The following RMP24 variants were observed in gnomAD, a reference collection of about 807,000 sequenced individuals.
RMP24 encodes ribonuclease MRP subunit p24, also known as ribonuclease MRP protein subunit p24.
chr18:35,972,692 T>C, the RMP24 span: 3 of 1,577,628 alleles, frequency 1.9e-6, no homozygotes, highest in South Asian at 1.1e-5. Context: ...TTTTCTCACC[T>C]GGTTCCCGCG....
the RMP24 span, among the ~76,000 whole-genome samples, chr18:35,976,495 A>G: frequency 1.3e-5 from 2 of 152,134 alleles, no homozygotes; most frequent in African/African-American, 4.8e-5. Flanking sequence ...AGTCAATTAG[A>G]TATGTAGAAG....
At chr18:35,973,787 T>A in the RMP24 span, 1 of 152,052 alleles carries the variant, frequency 6.6e-6, no homozygotes, top group Non-Finnish European at 1.5e-5. Context: ...CCTGGCATGG[T>A]GGTGCACGCC....
chr18:35,975,232 C>T, the RMP24 span: 1 of 687,852 alleles, frequency 1.5e-6, no homozygotes, highest in African/African-American at 1.8e-5. Flanking sequence ...TATACATAAA[C>T]ACTTCTCTAA....
the RMP24 span, chr18:35,975,038 A>G: frequency 4.9e-3 from 7,970 of 1,614,034 alleles, 49 homozygotes; most frequent in Middle Eastern, 0.018. Flanking sequence ...GAAACTATAC[A>G]CTCAGTTTTA....
At chr18:35,974,585 A>C in the RMP24 span, among the ~76,000 whole-genome samples, 1 of 152,254 alleles carries the variant, frequency 6.6e-6, no homozygotes, top group African/African-American at 2.4e-5. Flanking sequence ...GAAACATAAC[A>C]GCCTTTTAAA....
the RMP24 span, chr18:35,973,355 C>T: frequency 1.6e-5 from 3 of 188,796 alleles, no homozygotes; most frequent in Admixed American, 1.6e-4. Flanking sequence ...TGTATATACT[C>T]AGCGCAGACC....
chr18:35,977,321 C>T, the RMP24 span: 7 of 1,266,018 alleles, frequency 5.5e-6, no homozygotes, highest in South Asian at 8.9e-5. Context: ...GGTGTAGTCC[C>T]TGACATTTAA....
At chr18:35,979,237 G>C in the RMP24 span, 8 of 334,074 alleles carry the variant, frequency 2.4e-5, no homozygotes, top group South Asian at 4.5e-4. Context: ...CATATCTATA[G>C]ATATATATGT....
the RMP24 span, among the ~76,000 whole-genome samples, chr18:35,975,680 A>C: frequency 1.3e-4 from 20 of 152,262 alleles, no homozygotes; most frequent in Non-Finnish European, 2.4e-4. Context: ...GGCCAGTAGC[A>C]AATACACTTT....
the RMP24 span, chr18:35,973,260 C>CT: frequency 2.5e-6 from 1 of 397,398 alleles, no homozygotes. Flanking sequence ...CCTTGGACCT[C>CT]TTTTCTAGGC....
At chr18:35,974,924 T>A in the RMP24 span, 2 of 1,614,046 alleles carry the variant, frequency 1.2e-6, no homozygotes, top group Admixed American at 1.7e-5. Flanking sequence ...AAGAAACGTG[T>A]CCATACTGTT....
the RMP24 span, chr18:35,972,760 C>A: frequency 6.2e-7 from 1 of 1,613,572 alleles, no homozygotes; most frequent in Non-Finnish European, 8.5e-7. Context: ...GAGGCTGCAG[C>A]GCGGGGACTG....
At chr18:35,977,605 C>CAT in the RMP24 span, 2 of 1,604,840 alleles carry the variant, frequency 1.2e-6, no homozygotes, top group Non-Finnish European at 1.7e-6. Context: ...TTTCAGGTAT[C>CAT]TTAATCCATG....
chr18:35,972,928 T>C, the RMP24 span: 5 of 1,614,084 alleles, frequency 3.1e-6, no homozygotes, highest in Middle Eastern at 1.6e-4. Flanking sequence ...CGCCTGTCTC[T>C]TGTGCTTTGG....
the RMP24 span, chr18:35,979,206 T>C: frequency 2.2e-6 from 1 of 445,710 alleles, no homozygotes; most frequent in Non-Finnish European, 4.0e-6. Flanking sequence ...TCAAAAAATA[T>C]ATGAAAGTTC....
the RMP24 span, chr18:35,977,451 T>C: frequency 6.2e-7 from 1 of 1,613,946 alleles, no homozygotes; most frequent in Non-Finnish European, 8.5e-7. Flanking sequence ...TGAAACATCA[T>C]GGTAAAAGTA....
chr18:35,977,706 GC>G, the RMP24 span: 1 of 1,215,752 alleles, frequency 8.2e-7, no homozygotes, highest in Non-Finnish European at 1.1e-6. Flanking sequence ...TCAGGACTTG[GC>G]CATTTTTCCT....
the RMP24 span, chr18:35,975,100 G>T: frequency 3.7e-6 from 6 of 1,609,836 alleles, no homozygotes; most frequent in Non-Finnish European, 5.1e-6. Flanking sequence ...GTATTGGTAA[G>T]ATTTCAGTTC....
chr18:35,972,768 C>G, the RMP24 span: 17 of 1,613,784 alleles, frequency 1.1e-5, no homozygotes, highest in South Asian at 1.6e-4. Context: ...AGCGCGGGGA[C>G]TGCACGACAG....
Sources: allele counts gnomAD v4.1 joint callset (sites outside exome capture counted in the v4.1 genomes callset), GRCh38; gene constraint gnomAD v4.1.1; transcripts MANE v1.5; gene names NCBI Gene and HGNC (gene_info 2026-07-23, HGNC 2026-07-21).